Variants in PABPC4L observed in about 807,000 individuals in gnomAD.
The protein encoded by PABPC4L is polyadenylate-binding protein 4-like.
For missense variants in PABPC4L, 452 were observed against 451.4 expected, an observed-to-expected ratio of 1.00 and a Z score of -0.01; for synonymous variants, 169 against 164.1, an observed-to-expected ratio of 1.03 and a Z score of -0.23.
At chr4:134,015,238 C>T in the PABPC4L span, among the ~76,000 whole-genome samples, 1 of 152,080 alleles carries the variant, frequency 6.6e-6, no homozygotes, top group African/African-American at 2.4e-5. Context: ...AGCCTATAAA[C>T]TCTCCTTACA....
the PABPC4L span, among the ~76,000 whole-genome samples, chr4:134,070,423 G>A: frequency 6.6e-6 from 1 of 152,210 alleles, no homozygotes; most frequent in African/African-American, 2.4e-5. Flanking sequence ...GAACTGGCCT[G>A]TGCAAGGCTG....
the PABPC4L span, among the ~76,000 whole-genome samples, chr4:134,086,182 T>C: frequency 6.6e-6 from 1 of 152,060 alleles, no homozygotes; most frequent in Non-Finnish European, 1.5e-5. Context: ...GTTTTTTTTT[T>C]CTTCCAATTT....
At chr4:134,146,619 G>C in the PABPC4L span, among the ~76,000 whole-genome samples, 2 of 152,074 alleles carry the variant, frequency 1.3e-5, no homozygotes, top group African/African-American at 2.4e-5. Flanking sequence ...AAGGTACATG[G>C]ACACTGAGGA....
At chr4:134,077,527 T>C in the PABPC4L span, among the ~76,000 whole-genome samples, 1 of 152,122 alleles carries the variant, frequency 6.6e-6, no homozygotes, top group African/African-American at 2.4e-5. Flanking sequence ...CATCATTGGG[T>C]GGGTGAGCTA....
the PABPC4L span, among the ~76,000 whole-genome samples, chr4:134,022,012 T>C: frequency 6.6e-6 from 1 of 152,122 alleles, no homozygotes; most frequent in African/African-American, 2.4e-5. Flanking sequence ...TTGGAGGCAA[T>C]TTTTTAATGC....
the PABPC4L span, among the ~76,000 whole-genome samples, chr4:133,955,378 T>A: frequency 6.6e-6 from 1 of 152,298 alleles, no homozygotes; most frequent in South Asian, 2.1e-4. Context: ...AAAAGTATAC[T>A]GATCTTAAAA....
chr4:133,994,820 T>G, the PABPC4L span, among the ~76,000 whole-genome samples: 1 of 152,144 alleles, frequency 6.6e-6, no homozygotes, highest in Admixed American at 6.6e-5. Flanking sequence ...CTTTTACATT[T>G]CATCATAAAT....
At chr4:134,181,942 G>A in the PABPC4L span, among the ~76,000 whole-genome samples, 1 of 150,172 alleles carries the variant, frequency 6.7e-6, no homozygotes, top group South Asian at 2.1e-4. Context: ...AATGCCCAAA[G>A]CAATTGACAT....
the PABPC4L span, among the ~76,000 whole-genome samples, chr4:133,984,645 G>C: frequency 6.6e-6 from 1 of 151,888 alleles, no homozygotes; most frequent in Non-Finnish European, 1.5e-5. Flanking sequence ...ACTTGGGCCA[G>C]TAGGTGTGAC....
chr4:134,022,767 T>C, the PABPC4L span, among the ~76,000 whole-genome samples: 3 of 152,052 alleles, frequency 2.0e-5, no homozygotes, highest in African/African-American at 4.8e-5. Context: ...TCTCATGTCT[T>C]CTATGCTTTT....
At chr4:134,080,880 G>T in the PABPC4L span, among the ~76,000 whole-genome samples, 1 of 152,190 alleles carries the variant, frequency 6.6e-6, no homozygotes, top group East Asian at 1.9e-4. Flanking sequence ...GATGTCTGTT[G>T]TCACTAACAC....
the PABPC4L span, among the ~76,000 whole-genome samples, chr4:134,189,824 G>A: frequency 6.6e-6 from 1 of 151,996 alleles, no homozygotes; most frequent in African/African-American, 2.4e-5. Context: ...CTGGAATTGT[G>A]TATTTACTTT....
the PABPC4L span, among the ~76,000 whole-genome samples, chr4:134,025,537 A>G: frequency 1.3e-4 from 20 of 152,238 alleles, no homozygotes; most frequent in Non-Finnish European, 2.8e-4. Flanking sequence ...AATTGAATCT[A>G]TGACTGTAAA....
the PABPC4L span, among the ~76,000 whole-genome samples, chr4:133,955,744 T>A: frequency 2.6e-5 from 4 of 152,322 alleles, no homozygotes; most frequent in East Asian, 7.7e-4. Context: ...CATATTTGAT[T>A]AACAGTGCCA....
chr4:134,138,404 A>G, the PABPC4L span, among the ~76,000 whole-genome samples: 2 of 151,844 alleles, frequency 1.3e-5, no homozygotes, highest in African/African-American at 4.8e-5. Context: ...TCATTTGCAA[A>G]AAAAGAAAAA....
chr4:134,039,965 A>G, the PABPC4L span, among the ~76,000 whole-genome samples: 2 of 152,042 alleles, frequency 1.3e-5, no homozygotes, highest in Admixed American at 1.3e-4. Flanking sequence ...TCCCTTTCAC[A>G]ATTGCTACAA....
the PABPC4L span, among the ~76,000 whole-genome samples, chr4:134,139,090 G>A: frequency 1.3e-5 from 2 of 151,820 alleles, no homozygotes; most frequent in African/African-American, 4.8e-5. Flanking sequence ...TCAACACAAA[G>A]GCTCACAAAT....
the PABPC4L span, among the ~76,000 whole-genome samples, chr4:134,052,397 T>G: frequency 1.3e-5 from 2 of 152,084 alleles, no homozygotes; most frequent in African/African-American, 4.8e-5. Context: ...TAGAAAACAG[T>G]GTTTTACTCT....
the PABPC4L span, among the ~76,000 whole-genome samples, chr4:134,158,891 A>G: frequency 6.6e-5 from 10 of 152,216 alleles, no homozygotes; most frequent in African/African-American, 1.9e-4. Context: ...GCTATATGAT[A>G]TAGCCTATTG....
Sources: allele counts gnomAD v4.1 joint callset (sites outside exome capture counted in the v4.1 genomes callset), GRCh38; gene constraint gnomAD v4.1.1; transcripts MANE v1.5; gene names NCBI Gene and HGNC (gene_info 2026-07-23, HGNC 2026-07-21).